The following DGCR8 variants were observed in gnomAD, a reference collection of about 807,000 sequenced individuals.
DGCR8 encodes microprocessor complex subunit DGCR8.
DGCR8 carries 14 observed loss-of-function variants against 78.5 expected under a neutral mutation model. The ratio of observed to expected loss-of-function variants is 0.18; its 90% confidence interval spans 0.12 to 0.28. The LOEUF is 0.28. Among genes scored for constraint, DGCR8 ranks in the 10% least tolerant of loss-of-function variants. The probability of loss-of-function intolerance (pLI) is 1.00; values close to 1 mark genes in which losing one functional copy is unlikely to be tolerated. For synonymous variants in DGCR8, 399 were observed against 402.4 expected, an observed-to-expected ratio of 0.99 and a Z score of 0.10; for missense variants, 702 against 1,022.5, an observed-to-expected ratio of 0.69 and a Z score of 4.28.
chr22:20,096,966 A>G (rs567084387), intron 9 of DGCR8, among the ~76,000 whole-genome samples: 1 of 152,126 alleles, frequency 6.6e-6, no homozygotes, highest in South Asian at 2.1e-4. Flanking sequence ...AATATAGTGT[A>G]TTATATTGGT....
intron 6 of DGCR8, 60 bp downstream of exon 6, chr22:20,091,692 G>T (rs1179696115): frequency 4.4e-6 from 7 of 1,587,584 alleles, no homozygotes; most frequent in Non-Finnish European, 6.0e-6. Flanking sequence ...CTAATGTGAT[G>T]TGTTGAGGGC....
chr22:20,106,635 C>T lies in DGCR8; in HGVS notation c.1933C>T (p.Pro645Ser). 1 of 1,614,030 alleles carries T rather than the reference C, an allele frequency of 6.2e-7. No homozygotes were observed. The highest frequency in any genetic ancestry group is 8.5e-7 in the Non-Finnish European group (1 of 1,179,886). Residue 645 changes from proline (P) to serine (S), a missense_variant, in exon 11 of 14, where the codon CCT (proline) becomes TCT (serine). Pro to Ser is a moderately conservative substitution (Grantham distance 74). Around this residue, in one of 4 missense-constraint regions of DGCR8, gnomAD observed 225 missense variants for 427.7 expected, o/e 0.53. Coordinates refer to ENST00000351989, the MANE Select transcript of DGCR8 (RefSeq NM_022720.7). ...GDTSIKFEVV[P>S]GKNQKSEYVM... ...CACGTCTATCAAGTTTGAAGTGGTT[C>T]CTGGGAAAAACCAGAAGAGTGAATA...
Position 20,091,986 on chromosome 22 carries a change from C to T in DGCR8, c.1606+16C>T. 1 of 1,595,960 alleles carries T rather than the reference C, an allele frequency of 6.3e-7. No individual in the cohort carries two copies. The highest frequency in any genetic ancestry group is 8.6e-7 in the Non-Finnish European group (1 of 1,165,640). Reference sequence around the variant, plus strand: ...TTTGAATGTGGTAAGTCTAACCTTCCCCATTTCAGTCCTAAAGAATCACAA... The same window carrying T: ...TTTGAATGTGGTAAGTCTAACCTTCTCCATTTCAGTCCTAAAGAATCACAA... On this transcript the variant is annotated intron_variant, in intron 7 of 13. Coordinates refer to ENST00000351989, the MANE Select transcript of DGCR8 (RefSeq NM_022720.7).
chr22:20,094,413 G>A (rs939837434), intron 8 of DGCR8, among the ~76,000 whole-genome samples: 1 of 152,192 alleles, frequency 6.6e-6, no homozygotes, highest in Non-Finnish European at 1.5e-5. Flanking sequence ...GTTTTCTCAC[G>A]TGCCACCGAA....
In DGCR8 at chr22:20,110,171, A is replaced by T; in HGVS notation, c.*63A>T. 1 of 1,525,064 alleles carries T rather than the reference A, an allele frequency of 6.6e-7. No individual in the cohort carries two copies. Among genetic ancestry groups the T allele is most frequent in the Non-Finnish European group, 9.0e-7 (1 of 1,114,216 alleles). The allele number at this position is 1,525,064 out of a possible 1,614,324, so 94.5% of individuals were successfully genotyped here. ...CGCACTTCTGAGGAGACCAGCAGTC[A>T]TGCATCGTGCACCACAGTGTCAGGC... On this transcript the variant is annotated 3_prime_UTR_variant, in exon 14 of 14. Transcript: ENST00000351989.
chr22:20,094,596 G>T, intron 8 of DGCR8, 117 bp from the exon 9 acceptor site: 1 of 883,258 alleles, frequency 1.1e-6, no homozygotes, highest in Non-Finnish European at 1.9e-6. Flanking sequence ...TCTCCTCAGG[G>T]CCCTCGCTCA....
chr22:20,084,483 G>A (rs984808381), intron 1 of DGCR8, among the ~76,000 whole-genome samples: 7 of 152,182 alleles, frequency 4.6e-5, no homozygotes, highest in African/African-American at 1.7e-4. Context: ...TTCCTCTGTA[G>A]TAAGGCTTCC....
intron 11 of DGCR8, 136 bp downstream of exon 11, chr22:20,106,834 G>T: frequency 1.5e-6 from 1 of 682,390 alleles, no homozygotes; most frequent in Non-Finnish European, 2.6e-6. Flanking sequence ...GCCACCACAC[G>T]TTCAGCCTAA....
At chr22:20,097,921 G>A (rs1249741032) in intron 9 of DGCR8, among the ~76,000 whole-genome samples, 2 of 149,804 alleles carry the variant, frequency 1.3e-5, no homozygotes, top group Non-Finnish European at 3.0e-5. Flanking sequence ...AAGGTCAAGA[G>A]ATCGAGACCA....
In DGCR8 at chr22:20,111,345, A is replaced by G; in HGVS notation, c.*1237A>G. ...GTGTCTGTCCCCCACCATGCCCCCT[A>G]CAGGCGGTACTGATGGCGCTTTTTT... On this transcript the variant is annotated 3_prime_UTR_variant, in exon 14 of 14. Transcript: ENST00000351989. 2 of 396,724 alleles carry G rather than the reference A, an allele frequency of 5.0e-6. No individual in the cohort carries two copies. Among genetic ancestry groups the G allele is most frequent in the South Asian group, 1.3e-4 (1 of 7,742 alleles). 24.6% of individuals were successfully genotyped at this position (396,724 alleles called of 1,614,324 possible).
At position 20,089,446 on chromosome 22, in the gene DGCR8, C is replaced by A. The variant is rs913313597; in HGVS notation, c.881-223C>A. Among the ~76,000 whole-genome samples, 12 of 152,234 alleles carry A rather than the reference C, an allele frequency of 7.9e-5. No individual in the cohort carries two copies. The highest frequency in any genetic ancestry group is 1.6e-4 in the Non-Finnish European group (11 of 68,048). On this transcript the variant is annotated intron_variant, in intron 3 of 13. Coordinates refer to ENST00000351989, the MANE Select transcript of DGCR8 (RefSeq NM_022720.7). The surrounding 1 kb of genome is among the most constrained non-coding windows in gnomAD (Gnocchi z 4.9). ...TGCACAGACCTGTTCTGTGCTCCTT[C>A]ATGTGCTGGTTTGACACGTGTAAAT...
intron 9 of DGCR8, chr22:20,096,337 CAG>C: frequency 2.3e-6 from 1 of 434,416 alleles, no homozygotes. Context: ...CTTGGTATCT[CAG>C]GGGTGGCAGA....
intron 1 of DGCR8, among the ~76,000 whole-genome samples, chr22:20,081,160 G>A (rs187931770): frequency 1.3e-5 from 2 of 152,340 alleles, no homozygotes; most frequent in African/African-American, 2.4e-5. Context: ...TATGAGGCCT[G>A]TTGGAGGATG....
rs146466809 is a variant in DGCR8 at position 20,110,775 on chromosome 22, C to A, written c.*667C>A. ...GACACGATGCCAGCAAGGATGACGTCCTGCCACCTCCTGGAGTTACCCTGG... is the reference window on the plus strand; with the variant it reads ...GACACGATGCCAGCAAGGATGACGTACTGCCACCTCCTGGAGTTACCCTGG... On this transcript the variant is annotated 3_prime_UTR_variant, in exon 14 of 14. Transcript: ENST00000351989. 2.8e-3 allele frequency: 471 copies of A among 169,894 alleles called. 4 individuals carry two copies. The highest frequency in any genetic ancestry group is 0.01 in the African/African-American group (438 of 42,344). The allele number at this position is 169,894 out of a possible 1,614,324, so 10.5% of individuals were successfully genotyped here.
Position 20,086,772 on chromosome 22 carries a change from T to TAAA in DGCR8, c.720+101_720+103dup, listed in dbSNP as rs376450423. The TAAA allele has an allele frequency of 5.6e-5, 64 of 1,150,318 alleles. No homozygotes were observed. Among genetic ancestry groups the TAAA allele is most frequent in the Admixed American group, 8.2e-5 (3 of 36,704 alleles). 71.3% of individuals were successfully genotyped at this position (1,150,318 alleles called of 1,614,324 possible). The stretch of plus-strand genomic sequence containing the variant: ...CAGCATCTTTTGAAAGCAGGGAAAT[T>TAAA]AAAAAAAAAAAAAACAAAAACCAAA... On this transcript the variant is annotated intron_variant, in intron 2 of 13. Coordinates refer to ENST00000351989, the MANE Select transcript of DGCR8 (RefSeq NM_022720.7). The surrounding 1 kb of genome is among the most constrained non-coding windows in gnomAD (Gnocchi z 6.4).
At chr22:20,081,360 C>T (rs546966114) in intron 1 of DGCR8, among the ~76,000 whole-genome samples, 294 of 152,340 alleles carry the variant, frequency 1.9e-3, no homozygotes, top group African/African-American at 6.8e-3. Flanking sequence ...GTTTTCTCCC[C>T]GTGCCAAGGG....
chr22:20,080,349 C>A lies in DGCR8; in HGVS notation c.-312C>A, dbSNP rs898965011. 32 of 980,692 alleles carry A rather than the reference C, an allele frequency of 3.3e-5. No individual in the cohort carries two copies. The highest frequency in any genetic ancestry group is 5.2e-4 in the Middle Eastern group (1 of 1,932). The allele number at this position is 980,692 out of a possible 1,614,324, so 60.7% of individuals were successfully genotyped here. On this transcript the variant is annotated 5_prime_UTR_variant, in exon 1 of 14. It adds an upstream start codon to the 5' untranslated region. Coordinates refer to ENST00000351989, the MANE Select transcript of DGCR8 (RefSeq NM_022720.7). ...TGAGGCTTTCCCGGCTGTGGTTTGG[C>A]TGCGGGCGGCTTGGGCAGCCCGCGG... is the stretch of plus-strand genomic sequence containing the variant.
chr22:20,106,358 TC>T, intron 10 of DGCR8, 81 bp downstream of exon 10: 1 of 1,286,254 alleles, frequency 7.8e-7, no homozygotes, highest in Non-Finnish European at 1.1e-6. Flanking sequence ...TGGCTGTTTG[TC>T]CCAAGGCAGA....
chr22:20,107,206 C>T (rs2147941578), intron 11 of DGCR8, 65 bp from the exon 12 acceptor site: 2 of 1,604,132 alleles, frequency 1.2e-6, no homozygotes, highest in East Asian at 4.5e-5. Context: ...CTGGGAGCGG[C>T]AGGGGGCCCC....
Sources: allele counts gnomAD v4.1 joint callset (sites outside exome capture counted in the v4.1 genomes callset), GRCh38; gene constraint gnomAD v4.1.1; regional missense constraint gnomAD v4.1.1; non-coding constraint Gnocchi (gnomAD v3.1); transcripts MANE v1.5; gene names NCBI Gene and HGNC (gene_info 2026-07-23, HGNC 2026-07-21).